The following CDC42BPA variants were observed in gnomAD, a reference collection of about 807,000 sequenced individuals.
The protein encoded by CDC42BPA is serine/threonine-protein kinase MRCK alpha.
In CDC42BPA, 80 loss-of-function variants were observed where a neutral mutation model predicts 223.5. The observed-to-expected ratio is 0.36, with a 90% confidence interval of 0.30 to 0.43. The LOEUF is 0.43. Ranked by LOEUF, CDC42BPA falls within the 20% of genes least tolerant of loss-of-function variation. The pLI is 1.00. For missense variants in CDC42BPA, 1,743 were observed against 2,099.9 expected, an observed-to-expected ratio of 0.83 and a Z score of 3.32; for synonymous variants, 694 against 718.6, an observed-to-expected ratio of 0.97 and a Z score of 0.55.
Position 227,198,170 on chromosome 1 carries a change from G to T in CDC42BPA, c.450+1387C>A, listed in dbSNP as rs1420248282. On this transcript the variant is annotated intron_variant, in intron 4 of 36. Transcript: ENST00000366766. The stretch of plus-strand genomic sequence containing the variant: ...TTAATCTTTAAAAATGTTCCTTATG[G>T]CTGGGCATGGTGGCTCATGCCTGTA... Among the ~76,000 whole-genome samples the T allele has an allele frequency of 3.3e-5, 5 of 151,822 alleles. No homozygotes were observed. The East Asian group carries it at 9.6e-4, about 29-fold the overall frequency.
At chr1:227,051,146 T>C (rs1260309989) in intron 22 of CDC42BPA, among the ~76,000 whole-genome samples, 4 of 152,166 alleles carry the variant, frequency 2.6e-5, no homozygotes, top group Non-Finnish European at 5.9e-5. Context: ...ACTCTTCAGA[T>C]TGGACTATCT....
intron 1 of CDC42BPA, among the ~76,000 whole-genome samples, chr1:227,269,533 C>G (rs1685622504): frequency 6.6e-6 from 1 of 152,046 alleles, no homozygotes. Flanking sequence ...TATATGAAAA[C>G]TTAAGTCTCC....
At chr1:227,133,391 C>T (rs1303002261) in intron 10 of CDC42BPA, among the ~76,000 whole-genome samples, 17 of 152,012 alleles carry the variant, frequency 1.1e-4, no homozygotes, top group Admixed American at 3.3e-4. Flanking sequence ...AGGTGAGGGG[C>T]GCTTCTGCCC....
At chr1:227,196,782 A>G (rs750420754) in intron 4 of CDC42BPA, among the ~76,000 whole-genome samples, 16 of 152,238 alleles carry the variant, frequency 1.1e-4, no homozygotes, top group East Asian at 1.9e-4. Context: ...AACAAGTTAC[A>G]TATGTCAGTG....
intron 12 of CDC42BPA, among the ~76,000 whole-genome samples, chr1:227,118,600 T>C (rs1688136145): frequency 6.6e-6 from 1 of 152,098 alleles, no homozygotes; most frequent in Non-Finnish European, 1.5e-5. Context: ...TCTAGCTATC[T>C]GATTTTCATC....
At chr1:227,004,877 C>T (rs750001059) in intron 35 of CDC42BPA, 117 bp downstream of exon 35, 2 of 803,930 alleles carry the variant, frequency 2.5e-6, no homozygotes, top group Non-Finnish European at 4.5e-6. Flanking sequence ...ACACTGCAGC[C>T]ACTTGAGAAT....
At chr1:227,157,914 T>C (rs1450769445) in intron 6 of CDC42BPA, among the ~76,000 whole-genome samples, 2 of 151,784 alleles carry the variant, frequency 1.3e-5, no homozygotes, top group East Asian at 1.9e-4. Flanking sequence ...GTGTAATCTT[T>C]AAGGCTACAT....
At chr1:227,059,628 C>T (rs1675382142) in intron 21 of CDC42BPA, among the ~76,000 whole-genome samples, 1 of 152,202 alleles carries the variant, frequency 6.6e-6, no homozygotes, top group Non-Finnish European at 1.5e-5. Context: ...AAACTTTTCA[C>T]TGGCCCATGT....
intron 1 of CDC42BPA, among the ~76,000 whole-genome samples, chr1:227,288,664 C>A (rs1463846999): frequency 6.6e-6 from 1 of 151,910 alleles, no homozygotes; most frequent in Non-Finnish European, 1.5e-5. Context: ...CCATTTCACT[C>A]CAGCCTGGGT....
intron 1 of CDC42BPA, among the ~76,000 whole-genome samples, chr1:227,288,559 C>T (rs114284121): frequency 0.051 from 7,676 of 151,878 alleles, 429 homozygotes; most frequent in East Asian, 0.25. Context: ...ATTAGCCGGG[C>T]GTGGTGCACA....
chr1:227,288,195 A>C (rs1689101783), intron 1 of CDC42BPA, among the ~76,000 whole-genome samples: 1 of 152,142 alleles, frequency 6.6e-6, no homozygotes, highest in Non-Finnish European at 1.5e-5. Context: ...CTAATCACCC[A>C]TTATTTCCCA....
intron 1 of CDC42BPA, among the ~76,000 whole-genome samples, chr1:227,256,950 C>G (rs1396405710): frequency 2.4e-5 from 1 of 42,034 alleles, no homozygotes; most frequent in African/African-American, 7.9e-5. Flanking sequence ...TATATACAGA[C>G]ACACACACAC....
intron 10 of CDC42BPA, 132 bp downstream of exon 10, chr1:227,139,444 T>C (rs1659271331): frequency 1.8e-6 from 1 of 570,210 alleles, no homozygotes; most frequent in South Asian, 2.8e-5. Flanking sequence ...GTGTTCTGCA[T>C]ACATCTCTAC....
intron 5 of CDC42BPA, among the ~76,000 whole-genome samples, chr1:227,172,541 A>G (rs1444550480): frequency 6.6e-6 from 1 of 152,326 alleles, no homozygotes; most frequent in African/African-American, 2.4e-5. Context: ...GAAAATAAAC[A>G]TTCAAATTCA....
chr1:226,995,206 G>A (rs942378360), intron 35 of CDC42BPA, among the ~76,000 whole-genome samples: 3 of 152,132 alleles, frequency 2.0e-5, no homozygotes, highest in African/African-American at 7.2e-5. Context: ...CCCGGTGAGC[G>A]AGCACTCTCT....
At chr1:227,089,856 C>G (rs1022304295) in intron 16 of CDC42BPA, among the ~76,000 whole-genome samples, 6 of 151,942 alleles carry the variant, frequency 3.9e-5, no homozygotes, top group Non-Finnish European at 5.9e-5. Flanking sequence ...TAATTGAATG[C>G]AAAAATTTGA....
chr1:227,195,028 T>C (rs897744679), intron 4 of CDC42BPA, among the ~76,000 whole-genome samples: 1 of 152,182 alleles, frequency 6.6e-6, no homozygotes, highest in African/African-American at 2.4e-5. Flanking sequence ...TTGAAAAAAT[T>C]CAAATTCCTT....
At chr1:227,122,842 A>G (rs1428472941) in intron 11 of CDC42BPA, among the ~76,000 whole-genome samples, 2 of 152,220 alleles carry the variant, frequency 1.3e-5, no homozygotes, top group Non-Finnish European at 2.9e-5. Flanking sequence ...ACTTTGGTCA[A>G]ATACTATAAA....
chr1:227,156,219 C>G (rs1043891186), intron 6 of CDC42BPA, among the ~76,000 whole-genome samples: 2 of 151,794 alleles, frequency 1.3e-5, no homozygotes, highest in Non-Finnish European at 2.9e-5. Context: ...GGCACCATCA[C>G]GGTCACTGCA....
Sources: allele counts gnomAD v4.1 joint callset (sites outside exome capture counted in the v4.1 genomes callset), GRCh38; gene constraint gnomAD v4.1.1; transcripts MANE v1.5; gene names NCBI Gene and HGNC (gene_info 2026-07-23, HGNC 2026-07-21).